Variants in PCCA observed in about 807,000 individuals in gnomAD.
The protein encoded by PCCA is propionyl-CoA carboxylase alpha chain, mitochondrial.
Under a neutral mutation model 101.3 loss-of-function variants are expected in PCCA, and 74 were observed. The observed-to-expected ratio is 0.73, with a 90% CI of 0.61 to 0.89. The LOEUF is 0.89. Among genes scored for constraint, PCCA ranks in the 40% least tolerant of loss-of-function variants. PCCA has a pLI of 0.00. For missense variants in PCCA, 891 were observed against 907.0 expected, an observed-to-expected ratio of 0.98 and a Z score of 0.23; for synonymous variants, 294 against 313.6, an observed-to-expected ratio of 0.94 and a Z score of 0.66.
At chr13:100,372,770 C>T (rs1409815125) in intron 19 of PCCA, among the ~76,000 whole-genome samples, 1 of 152,242 alleles carries the variant, frequency 6.6e-6, no homozygotes, top group Non-Finnish European at 1.5e-5. Flanking sequence ...GAGACAGTCT[C>T]GCTCTGTCAC....
In PCCA at chr13:100,246,987, C is replaced by T. The variant is rs886870523; in HGVS notation, c.638-10608C>T. Among the ~76,000 whole-genome samples, 8 of 151,192 alleles carry T rather than the reference C, an allele frequency of 5.3e-5. No individual in the cohort carries two copies. The Middle Eastern group carries it at 0.02, about 386-fold the overall frequency. Reference sequence around the variant, plus strand: ...GCAATGGTGCGATCTTGGCTCAATGCAACCTCCGCCTCCCGGGTTCAAGTG... The same window carrying T: ...GCAATGGTGCGATCTTGGCTCAATGTAACCTCCGCCTCCCGGGTTCAAGTG... On this transcript the variant is annotated intron_variant, in intron 8 of 23. Coordinates refer to ENST00000376285, the MANE Select transcript of PCCA (RefSeq NM_000282.4).
Position 100,488,062 on chromosome 13 carries a change from C to T in PCCA, c.1900-27365C>T, listed in dbSNP as rs145436861. Among the ~76,000 whole-genome samples the T allele has an allele frequency of 9.5e-3, 1,446 of 151,922 alleles. 8 individuals are homozygous for T. The highest frequency in any genetic ancestry group is 0.016 in the Non-Finnish European group (1,064 of 67,976). On this transcript the variant is annotated intron_variant, in intron 21 of 23. Coordinates refer to ENST00000376285, the MANE Select transcript of PCCA (RefSeq NM_000282.4). The stretch of plus-strand genomic sequence containing the variant: ...ATATATATATATTTTTTAATGAAGC[C>T]ACAAGCATTCTGCCTCTGTGCTTTT...
intron 8 of PCCA, among the ~76,000 whole-genome samples, chr13:100,240,160 C>G (rs1432131596): frequency 6.6e-6 from 1 of 152,144 alleles, no homozygotes; most frequent in Non-Finnish European, 1.5e-5. Flanking sequence ...TATATTTCAT[C>G]TCATCCCAGC....
At chr13:100,133,057 A>G (rs2095687) in intron 4 of PCCA, among the ~76,000 whole-genome samples, 136,034 of 152,228 alleles carry the variant, frequency 0.89, 60,862 homozygotes, top group East Asian at 0.99. Flanking sequence ...AGGATTATAG[A>G]CATGAGCCAC....
chr13:100,271,076 A>G (rs2063282041), intron 11 of PCCA, among the ~76,000 whole-genome samples: 1 of 152,026 alleles, frequency 6.6e-6, no homozygotes, highest in African/African-American at 2.4e-5. Flanking sequence ...AATGCTAGCT[A>G]GGGTCACTCA....
intron 21 of PCCA, among the ~76,000 whole-genome samples, chr13:100,465,279 A>G (rs2082430906): frequency 6.6e-6 from 1 of 152,220 alleles, no homozygotes; most frequent in South Asian, 2.1e-4. Flanking sequence ...TGGAAAGTCA[A>G]TACCAAAAGA....
At position 100,233,846 on chromosome 13, in the gene PCCA, A is replaced by G. The variant is rs186455886; in HGVS notation, c.601-1996A>G. ...ATAAGCTTGCTTTGTGGCATGCTATAGAAGTGTTGGATTTGTGGCAGTGGA... is the reference window on the plus strand; with the variant it reads ...ATAAGCTTGCTTTGTGGCATGCTATGGAAGTGTTGGATTTGTGGCAGTGGA... On this transcript the variant is annotated intron_variant, in intron 7 of 23. Coordinates refer to ENST00000376285, the MANE Select transcript of PCCA (RefSeq NM_000282.4). 6.6e-5 allele frequency among the ~76,000 whole-genome samples: 10 copies of G among 152,332 alleles called. No individual in the cohort carries two copies. In the East Asian group the frequency reaches 1.9e-3, roughly 29 times the overall value.
chr13:100,348,783 T>TTCCTTCCTTCCTTCCTTC (rs1566976583), intron 18 of PCCA, among the ~76,000 whole-genome samples: 40 of 55,380 alleles, frequency 7.2e-4, no homozygotes, highest in Non-Finnish European at 1.2e-3. Context: ...TTTCTTTCTT[T>TTCCTTCCTTCCTTCCTTC]CTTTCTTCCT....
chr13:100,470,566 C>CT (rs2082926985), intron 21 of PCCA, among the ~76,000 whole-genome samples: 1 of 152,056 alleles, frequency 6.6e-6, no homozygotes, highest in Admixed American at 6.6e-5. Context: ...ATAATTGAAT[C>CT]TGGAGATTCC....
intron 12 of PCCA, among the ~76,000 whole-genome samples, chr13:100,293,872 A>G (rs1277280770): frequency 2.0e-5 from 3 of 152,272 alleles, no homozygotes; most frequent in African/African-American, 7.2e-5. Flanking sequence ...TCAGGCACTT[A>G]GATTTGGGGT....
At chr13:100,147,068 A>G (rs543262268) in intron 4 of PCCA, among the ~76,000 whole-genome samples, 1 of 152,138 alleles carries the variant, frequency 6.6e-6, no homozygotes, top group African/African-American at 2.4e-5. Context: ...AGTGTGATTC[A>G]GTTTATACCA....
intron 7 of PCCA, among the ~76,000 whole-genome samples, chr13:100,225,910 G>A (rs112663619): frequency 3.3e-5 from 5 of 152,150 alleles, no homozygotes; most frequent in African/African-American, 1.2e-4. Context: ...TTGTGCCTCA[G>A]CCTCTCAAGT....
At chr13:100,388,068 A>G (rs764413570) in intron 19 of PCCA, among the ~76,000 whole-genome samples, 2 of 152,216 alleles carry the variant, frequency 1.3e-5, no homozygotes, top group Non-Finnish European at 2.9e-5. Flanking sequence ...CGTTGATACC[A>G]GATAGTCACC....
chr13:100,350,584 A>G (rs1200386966), intron 18 of PCCA, among the ~76,000 whole-genome samples: 1 of 152,228 alleles, frequency 6.6e-6, no homozygotes, highest in East Asian at 1.9e-4. Flanking sequence ...ATTAAGTACA[A>G]GATACTAAGT....
At chr13:100,454,018 C>G (rs565388227) in intron 21 of PCCA, among the ~76,000 whole-genome samples, 1 of 151,950 alleles carries the variant, frequency 6.6e-6, no homozygotes, top group African/African-American at 2.4e-5. Flanking sequence ...CTACTGGTGC[C>G]GGCCACTACA....
chr13:100,136,358 G>A (rs936683645), intron 4 of PCCA, among the ~76,000 whole-genome samples: 4 of 151,790 alleles, frequency 2.6e-5, no homozygotes, highest in African/African-American at 9.7e-5. Flanking sequence ...GCTAATTTTT[G>A]TATTTTTAGT....
Position 100,197,108 on chromosome 13 carries a change from A to C in PCCA, c.469-12224A>C, listed in dbSNP as rs78376181. Among the ~76,000 whole-genome samples the C allele has an allele frequency of 2.7e-3, 406 of 152,348 alleles. 9 individuals carry two copies. The East Asian group carries it at 0.065, about 24-fold the overall frequency. On this transcript the variant is annotated intron_variant, in intron 6 of 23. Coordinates refer to ENST00000376285, the MANE Select transcript of PCCA (RefSeq NM_000282.4). Reference sequence around the variant, plus strand: ...GTGCAGTGTTGACTAGTACCAGTGCACATCCTTACCCAGGGGACTGGAACT... The same window carrying C: ...GTGCAGTGTTGACTAGTACCAGTGCCCATCCTTACCCAGGGGACTGGAACT...
chr13:100,495,236 A>C (rs1399380809), intron 21 of PCCA, among the ~76,000 whole-genome samples: 1 of 152,032 alleles, frequency 6.6e-6, no homozygotes, highest in Non-Finnish European at 1.5e-5. Flanking sequence ...CATTACCACC[A>C]CATACCTGGT....
At chr13:100,461,130 G>T (rs553029280) in intron 21 of PCCA, among the ~76,000 whole-genome samples, 1 of 152,342 alleles carries the variant, frequency 6.6e-6, no homozygotes, top group Non-Finnish European at 1.5e-5. Flanking sequence ...AGATGGAGTT[G>T]TGGAGGACAG....
Sources: gnomAD v4.1 joint callset for allele counts (sites outside exome capture counted in the v4.1 genomes callset) on GRCh38, gnomAD v4.1.1 for gene constraint, MANE v1.5 for transcripts, NCBI Gene and HGNC (gene_info 2026-07-23, HGNC 2026-07-21) for gene names.